The following CSMD3 variants were observed in gnomAD, a reference collection of about 807,000 sequenced individuals.
The protein encoded by CSMD3 is CUB and sushi domain-containing protein 3.
A neutral mutation model predicts 435.2 loss-of-function variants in CSMD3; 177 were observed. The ratio of observed to expected loss-of-function variants is 0.41; its 90% CI spans 0.36 to 0.46. The LOEUF (loss-of-function observed/expected upper bound fraction) is 0.46. CSMD3 is among the 20% of genes least tolerant of loss of function. CSMD3 has a pLI of 0.34. For synonymous variants in CSMD3, 1,656 were observed against 1,520.5 expected, an observed-to-expected ratio of 1.09 and a Z score of -2.07; for missense variants, 4,265 against 4,504.6, an observed-to-expected ratio of 0.95 and a Z score of 1.52.
chr8:113,195,015 C>G (rs1158401401), intron 3 of CSMD3, among the ~76,000 whole-genome samples: 2 of 151,264 alleles, frequency 1.3e-5, no homozygotes, highest in Admixed American at 6.6e-5. Context: ...TTACACTGTT[C>G]TAGTCCCCAC....
At chr8:113,413,140 C>T (rs977040901) in intron 1 of CSMD3, among the ~76,000 whole-genome samples, 1 of 152,112 alleles carries the variant, frequency 6.6e-6, no homozygotes. Context: ...AATGATACTA[C>T]AATAACTTTC....
At chr8:112,672,090 T>C (rs1201253762) in intron 16 of CSMD3, among the ~76,000 whole-genome samples, 1 of 152,100 alleles carries the variant, frequency 6.6e-6, no homozygotes, top group African/African-American at 2.4e-5. Context: ...ACATGATAAG[T>C]ACATGCTTGA....
chr8:112,821,013 A>G (rs1322495729), intron 12 of CSMD3, among the ~76,000 whole-genome samples: 2 of 152,172 alleles, frequency 1.3e-5, no homozygotes, highest in African/African-American at 2.4e-5. Context: ...ATAGTATTCC[A>G]TGATGTATAT....
At chr8:112,801,749 C>G (rs1210427080) in intron 12 of CSMD3, among the ~76,000 whole-genome samples, 5 of 151,948 alleles carry the variant, frequency 3.3e-5, no homozygotes, top group Non-Finnish European at 5.9e-5. Context: ...AGGGTAAACA[C>G]TCCAGCTTGG....
At position 112,406,846 on chromosome 8, in the gene CSMD3, C is replaced by T. The variant is rs546720999; in HGVS notation, c.5606-119G>A. The T allele has an allele frequency of 1.9e-5, 10 of 527,964 alleles. No homozygotes were observed. In the South Asian group the frequency reaches 3.7e-4, roughly 20 times the overall value. The allele number at this position is 527,964 out of a possible 1,614,324, so 32.7% of individuals were successfully genotyped here. A position where few individuals can be genotyped will look rare whatever the true frequency, so the allele number is the denominator to read the frequency against. ...CACTTTTTATCAGAACTTGAATTAACAATTTGAATACATTCTTAAAGTTTT... is the reference window on the plus strand; with the variant it reads ...CACTTTTTATCAGAACTTGAATTAATAATTTGAATACATTCTTAAAGTTTT... On this transcript the variant is annotated intron_variant, in intron 34 of 70. Transcript: ENST00000297405.
chr8:112,325,960 T>TA (rs1465956983), intron 45 of CSMD3, among the ~76,000 whole-genome samples: 1 of 152,174 alleles, frequency 6.6e-6, no homozygotes, highest in Non-Finnish European at 1.5e-5. Context: ...ATTTTAAGCT[T>TA]ATCTTTCAAT....
At position 112,549,986 on chromosome 8, in the gene CSMD3, C is replaced by T. The variant is rs1827535271; in HGVS notation, c.4564+685G>A. On this transcript the variant is annotated intron_variant, in intron 27 of 70. Transcript: ENST00000297405. The stretch of plus-strand genomic sequence containing the variant: ...ATAATTTTCTCAAAGAGATAATGTG[C>T]ATTAACAAGTTAAAACAGCATTTAA... Among the ~76,000 whole-genome samples, 3 of 152,038 alleles carry T rather than the reference C, an allele frequency of 2.0e-5. No individual in the cohort carries two copies. The South Asian group carries it at 6.2e-4, about 32-fold the overall frequency.
chr8:112,930,279 C>A (rs181517648), intron 9 of CSMD3, among the ~76,000 whole-genome samples: 79 of 152,170 alleles, frequency 5.2e-4, no homozygotes, highest in African/African-American at 1.9e-3. Flanking sequence ...TACTATCAGA[C>A]AGCAATAAAC....
At chr8:112,484,052 T>C (rs191766513) in intron 31 of CSMD3, among the ~76,000 whole-genome samples, 2 of 152,056 alleles carry the variant, frequency 1.3e-5, no homozygotes, top group South Asian at 2.1e-4. Flanking sequence ...AAGCCTGGGG[T>C]GAAATAAGAC....
At chr8:112,434,847 C>T (rs180711597) in intron 32 of CSMD3, among the ~76,000 whole-genome samples, 1 of 152,140 alleles carries the variant, frequency 6.6e-6, no homozygotes, top group Non-Finnish European at 1.5e-5. Context: ...CACCTCTGGA[C>T]ATGAACTCAA....
At position 113,001,790 on chromosome 8, in the gene CSMD3, G is replaced by A. The variant is rs73349948; in HGVS notation, c.1030+17277C>T. Among the ~76,000 whole-genome samples the A allele has an allele frequency of 3.5e-3, 536 of 152,132 alleles. 3 individuals are homozygous for A. Among genetic ancestry groups the A allele is most frequent in the African/African-American group, 0.012 (500 of 41,528 alleles). ...ATAAAATGATGTTATTCGAGGACCT[G>A]CTGTAAGTCATTTTACTTAAAGCCA... On this transcript the variant is annotated intron_variant, in intron 6 of 70. Transcript: ENST00000297405.
chr8:112,770,696 A>G (rs1220219438), intron 13 of CSMD3, among the ~76,000 whole-genome samples: 2 of 152,022 alleles, frequency 1.3e-5, no homozygotes, highest in African/African-American at 4.8e-5. Context: ...TGAAAACTAA[A>G]AATATTGATT....
intron 30 of CSMD3, among the ~76,000 whole-genome samples, chr8:112,499,221 G>A (rs55977481): frequency 0.017 from 2,640 of 151,870 alleles, 79 homozygotes; most frequent in African/African-American, 0.06. Context: ...AAAAGAAAAA[G>A]GCTAATAAGT....
rs1406933708 is a variant in CSMD3 at position 112,336,649 on chromosome 8, T to C, written c.7019+3A>G. On this transcript the variant is annotated splice_donor_region_variant and intron_variant, in intron 44 of 70. Transcript: ENST00000297405. ...TAAATCAATAACAATAGTCCTGACT[T>C]ACCATACAGTAATGAAATCATATAT... is the stretch of plus-strand genomic sequence containing the variant. 4 of 1,597,824 alleles carry C rather than the reference T, an allele frequency of 2.5e-6. No individual in the cohort carries two copies. Among genetic ancestry groups the C allele is most frequent in the Non-Finnish European group, 2.6e-6 (3 of 1,165,478 alleles).
intron 1 of CSMD3, among the ~76,000 whole-genome samples, chr8:113,403,995 G>A (rs2094521641): frequency 6.6e-6 from 1 of 151,328 alleles, no homozygotes; most frequent in Non-Finnish European, 1.5e-5. Flanking sequence ...AAATACATAT[G>A]TGGATTTGAA....
In CSMD3 at chr8:112,222,984, T is replaced by G; in HGVS notation, c.*1787A>C. On this transcript the variant is annotated 3_prime_UTR_variant, in exon 71 of 71. Coordinates refer to ENST00000297405, the MANE Select transcript of CSMD3 (RefSeq NM_198123.2). ...GTTTACATTGCACTGAAAATTTACA[T>G]CATACTTTTACAAAGTTTCTTTTCA... 1 of 397,628 alleles carries G rather than the reference T, an allele frequency of 2.5e-6. No individual in the cohort carries two copies. The highest frequency in any genetic ancestry group is 4.4e-6 in the Non-Finnish European group (1 of 225,100). The allele number at this position is 397,628 out of a possible 1,614,324, so 24.6% of individuals were successfully genotyped here. A position where few individuals can be genotyped will look rare whatever the true frequency, so the allele number is the denominator to read the frequency against.
intron 13 of CSMD3, among the ~76,000 whole-genome samples, chr8:112,713,581 C>T (rs550988010): frequency 6.6e-6 from 1 of 152,078 alleles, no homozygotes; most frequent in African/African-American, 2.4e-5. Flanking sequence ...AAAAACACCA[C>T]TAAGGTACTA....
chr8:113,127,026 C>A (rs1429207107), intron 4 of CSMD3, among the ~76,000 whole-genome samples: 2 of 151,992 alleles, frequency 1.3e-5, no homozygotes, highest in South Asian at 2.1e-4. Flanking sequence ...CACCAGGTGA[C>A]AATTTCTACT....
At chr8:113,021,541 G>C (rs963784953) in intron 5 of CSMD3, among the ~76,000 whole-genome samples, 6 of 152,148 alleles carry the variant, frequency 3.9e-5, no homozygotes, top group Admixed American at 3.3e-4. Context: ...CACCAAAGCA[G>C]AGTTTGGAGA....
Sources: gnomAD v4.1 joint callset for allele counts (sites outside exome capture counted in the v4.1 genomes callset) on GRCh38, gnomAD v4.1.1 for gene constraint, MANE v1.5 for transcripts, NCBI Gene and HGNC (gene_info 2026-07-23, HGNC 2026-07-21) for gene names.